Variants in RAB11FIP2 observed in about 807,000 individuals in gnomAD.
The protein encoded by RAB11FIP2 is rab11 family-interacting protein 2.
A neutral mutation model predicts 40.9 loss-of-function variants in RAB11FIP2; 16 were observed. The observed-to-expected ratio is 0.39, with a 90% CI of 0.26 to 0.59. The LOEUF is 0.59. Ranked by LOEUF, RAB11FIP2 falls within the 20% of genes least tolerant of loss-of-function variation. The pLI is 0.53. For synonymous variants in RAB11FIP2, 228 were observed against 213.7 expected, an observed-to-expected ratio of 1.07 and a Z score of -0.58; for missense variants, 532 against 606.2, an observed-to-expected ratio of 0.88 and a Z score of 1.28.
At position 118,046,242 on chromosome 10, in the gene RAB11FIP2, C is replaced by T; in HGVS notation, c.-79G>A. The T allele has an allele frequency of 2.5e-6, 3 of 1,212,066 alleles. No homozygotes were observed. The highest frequency in any genetic ancestry group is 4.7e-5 in the East Asian group (2 of 42,864). 75.1% of individuals were successfully genotyped at this position (1,212,066 alleles called of 1,614,324 possible). A position where few individuals can be genotyped will look rare whatever the true frequency, so the allele number is the denominator to read the frequency against. On this transcript the variant is annotated 5_prime_UTR_variant, in exon 1 of 5. The change creates a new upstream start codon in the 5' untranslated region. Transcript: ENST00000355624. ...GAGGGAGAGCCTAATTCCTTAATCA[C>T]TGCATCCTAAGGACACTTAACGGAA...
In RAB11FIP2 at chr10:118,015,101, CAT is replaced by C. The variant is rs1846202146; in HGVS notation, c.1273_1274del (p.Met425GlufsTer6). The C allele has an allele frequency of 4.4e-6, 7 of 1,608,140 alleles. No individual in the cohort carries two copies. The highest frequency in any genetic ancestry group is 5.9e-6 in the Non-Finnish European group (7 of 1,176,564). On this transcript the variant is annotated frameshift_variant, in exon 4 of 5. Transcript: ENST00000355624. LOFTEE classifies it high-confidence loss of function. ...SNIMPSSSFH[M>X]SPTSNEDLRK... is the part of the protein sequence containing the mutation. ...TGAGGTCTTCATTGCTTGTTGGACT[CAT>C]ATGAAAACTAATAAAACACAAACAA...
chr10:118,046,889 C>G lies in RAB11FIP2; in HGVS notation c.-726G>C, dbSNP rs180834449. Reference sequence around the variant, plus strand: ...CCGGCGGCTCCTAACACCGGGCGGGCGGCTGCGGCGGCACTTCCGGGTTGG... The same window carrying G: ...CCGGCGGCTCCTAACACCGGGCGGGGGGCTGCGGCGGCACTTCCGGGTTGG... On this transcript the variant is annotated 5_prime_UTR_variant, in exon 1 of 5. Transcript: ENST00000355624. 1,438 of 153,392 alleles carry G rather than the reference C, an allele frequency of 9.4e-3. 9 individuals are homozygous for G. The highest frequency in any genetic ancestry group is 0.017 in the Middle Eastern group (5 of 300). The allele number at this position is 153,392 out of a possible 1,614,324, so 9.5% of individuals were successfully genotyped here. A position where few individuals can be genotyped will look rare whatever the true frequency, so the allele number is the denominator to read the frequency against.
intron 3 of RAB11FIP2, among the ~76,000 whole-genome samples, chr10:118,023,721 T>G (rs1846308385): frequency 6.6e-6 from 1 of 152,180 alleles, no homozygotes; most frequent in Non-Finnish European, 1.5e-5. Context: ...TCCTAGAACT[T>G]GAGGATTTAA....
intron 4 of RAB11FIP2, among the ~76,000 whole-genome samples, chr10:118,009,812 A>C (rs1846134327): frequency 6.6e-6 from 1 of 152,144 alleles, no homozygotes; most frequent in African/African-American, 2.4e-5. Context: ...AAACAGGCAG[A>C]ACTTTTCCTC....
intron 3 of RAB11FIP2, among the ~76,000 whole-genome samples, chr10:118,037,039 A>C (rs1846490383): frequency 1.3e-5 from 2 of 152,078 alleles, no homozygotes; most frequent in Admixed American, 1.3e-4. Context: ...TCTGACTCTA[A>C]AATTAGCTAA....
intron 3 of RAB11FIP2, among the ~76,000 whole-genome samples, chr10:118,029,910 A>G (rs571556084): frequency 6.6e-6 from 1 of 152,300 alleles, no homozygotes; most frequent in South Asian, 2.1e-4. Context: ...ACTTGAAGGT[A>G]GCATAGGGGC....
intron 3 of RAB11FIP2, among the ~76,000 whole-genome samples, chr10:118,035,280 G>A (rs184446247): frequency 3.3e-5 from 5 of 152,262 alleles, no homozygotes; most frequent in African/African-American, 9.6e-5. Context: ...CACTGATACC[G>A]TGGTTATTAC....
intron 3 of RAB11FIP2, among the ~76,000 whole-genome samples, chr10:118,032,898 C>T (rs1846432333): frequency 6.6e-6 from 1 of 151,926 alleles, no homozygotes; most frequent in African/African-American, 2.4e-5. Flanking sequence ...TATCAGGTCG[C>T]CTATTGCAGT....
At chr10:118,027,624 T>C (rs1415277047) in intron 3 of RAB11FIP2, among the ~76,000 whole-genome samples, 4 of 152,184 alleles carry the variant, frequency 2.6e-5, no homozygotes, top group African/African-American at 4.8e-5. Flanking sequence ...CACCCGCTAA[T>C]TGGCTCCTTG....
chr10:118,032,529 G>A (rs1288786473), intron 3 of RAB11FIP2, among the ~76,000 whole-genome samples: 1 of 151,954 alleles, frequency 6.6e-6, no homozygotes, highest in Admixed American at 6.6e-5. Flanking sequence ...CCTGCAAGCA[G>A]AGCTAATATG....
chr10:118,033,058 C>T (rs1267866233), intron 3 of RAB11FIP2, among the ~76,000 whole-genome samples: 1 of 151,690 alleles, frequency 6.6e-6, no homozygotes, highest in Non-Finnish European at 1.5e-5. Context: ...TAAACTTTAT[C>T]ATAGGTATAT....
intron 3 of RAB11FIP2, among the ~76,000 whole-genome samples, chr10:118,020,038 T>C (rs1363673328): frequency 6.6e-6 from 1 of 152,206 alleles, no homozygotes; most frequent in Non-Finnish European, 1.5e-5. Context: ...CTGAGCACTT[T>C]ACATGTTAAC....
intron 3 of RAB11FIP2, among the ~76,000 whole-genome samples, chr10:118,028,696 A>C (rs1846374767): frequency 6.6e-6 from 1 of 152,188 alleles, no homozygotes; most frequent in Admixed American, 6.5e-5. Flanking sequence ...GTGAGGGCTA[A>C]TTATGTAAGA....
At position 118,040,265 on chromosome 10, in the gene RAB11FIP2, A is replaced by T; in HGVS notation, c.654T>A (p.Gly218=). 1 of 1,613,880 alleles carries T rather than the reference A, an allele frequency of 6.2e-7. No individual in the cohort carries two copies. The highest frequency in any genetic ancestry group is 8.5e-7 in the Non-Finnish European group (1 of 1,179,810). Residue 218 remains glycine (G), a synonymous_variant, in exon 2 of 5, where the codon GGT becomes GGA. Coordinates refer to ENST00000355624, the MANE Select transcript of RAB11FIP2 (RefSeq NM_014904.3). ...KSKPKKPFLL[G]PQRLSSAHSM... ...AATGCGCTGACGAGAGTCGCTGAGG[A>T]CCCAAGAGAAAAGGCTTTTTTGGTT...
intron 2 of RAB11FIP2, chr10:118,039,848 T>C (rs774915180): frequency 9.9e-6 from 4 of 405,894 alleles, no homozygotes; most frequent in Non-Finnish European, 1.7e-5. Flanking sequence ...GGTTTTGAGA[T>C]AGCAGAAACA....
rs1299027980 is a variant in RAB11FIP2, at chr10:118,046,408, G to A, written c.-245C>T. 2 of 511,452 alleles carry A rather than the reference G, an allele frequency of 3.9e-6. No individual in the cohort carries two copies. The highest frequency in any genetic ancestry group is 1.9e-5 in the African/African-American group (1 of 52,182). 31.7% of individuals were successfully genotyped at this position (511,452 alleles called of 1,614,324 possible). ...GCCCACCATCACCTGGCCGCGCCGT[G>A]CAGGCCTCTGCGCGGACCCCCGCCC... On this transcript the variant is annotated 5_prime_UTR_variant, in exon 1 of 5. Transcript: ENST00000355624.
At chr10:118,031,621 T>C (rs751552495) in intron 3 of RAB11FIP2, among the ~76,000 whole-genome samples, 1 of 151,980 alleles carries the variant, frequency 6.6e-6, no homozygotes, top group African/African-American at 2.4e-5. Context: ...CCATGAAAAA[T>C]CACTAAAACA....
At chr10:118,036,699 T>C (rs1201994948) in intron 3 of RAB11FIP2, among the ~76,000 whole-genome samples, 1 of 152,172 alleles carries the variant, frequency 6.6e-6, no homozygotes, top group African/African-American at 2.4e-5. Context: ...ACAAATGTTC[T>C]GTCCTCATAT....
rs571123311 is a variant in RAB11FIP2 at position 118,014,581 on chromosome 10, A to G, written c.1311+484T>C. Among the ~76,000 whole-genome samples the G allele has an allele frequency of 3.3e-5, 5 of 152,292 alleles. No homozygotes were observed. The South Asian group carries it at 6.2e-4, about 19-fold the overall frequency. On this transcript the variant is annotated intron_variant, in intron 4 of 4. Coordinates refer to ENST00000355624, the MANE Select transcript of RAB11FIP2 (RefSeq NM_014904.3). ...ATTTGGTTTTGTTCTGACGAGAAAG[A>G]TAAGTGTCCTAAAGTATTTGTTCTT...
Sources: gnomAD v4.1 joint callset for allele counts (sites outside exome capture counted in the v4.1 genomes callset) on GRCh38, gnomAD v4.1.1 for gene constraint, MANE v1.5 for transcripts, NCBI Gene and HGNC (gene_info 2026-07-23, HGNC 2026-07-21) for gene names.